ROR1: variants seen among roughly 807,000 people sequenced by gnomAD.
ROR1 encodes inactive tyrosine-protein kinase transmembrane receptor ROR1.
Under a neutral mutation model 78.8 loss-of-function variants are expected in ROR1, and 19 were observed. That is an observed-to-expected ratio of 0.24 (90% CI 0.17 to 0.35). ROR1 has a LOEUF of 0.35. ROR1 is among the 10% of genes least tolerant of loss of function. ROR1 has a pLI of 1.00. For missense variants in ROR1, 917 were observed against 1,177.8 expected (o/e 0.78, Z 3.24); for synonymous variants, 386 against 433.6 (o/e 0.89, Z 1.36).
At chr1:63,846,971 C>T (rs937378276) in intron 1 of ROR1, among the ~76,000 whole-genome samples, 6 of 152,284 alleles carry the variant, frequency 3.9e-5, no homozygotes, top group South Asian at 2.1e-4. Context: ...AGAGCTCACC[C>T]GCTATCTCCT....
chr1:63,973,915 A>G (rs1646137845), intron 1 of ROR1, among the ~76,000 whole-genome samples: 2 of 152,188 alleles, frequency 1.3e-5, no homozygotes, highest in African/African-American at 4.8e-5. Context: ...CACTGTTTGC[A>G]ATTATTTTGG....
At chr1:64,090,252 A>T (rs1647185297) in intron 4 of ROR1, among the ~76,000 whole-genome samples, 1 of 152,226 alleles carries the variant, frequency 6.6e-6, no homozygotes, top group South Asian at 2.1e-4. Context: ...CTCATGGTTC[A>T]TTCAAGGAAC....
At chr1:64,053,459 T>G (rs1261055039) in intron 4 of ROR1, among the ~76,000 whole-genome samples, 1 of 152,224 alleles carries the variant, frequency 6.6e-6, no homozygotes, top group Non-Finnish European at 1.5e-5. Context: ...TTTCGTTTGG[T>G]TTCCGTTCAT....
chr1:63,828,503 T>A (rs1188253930), intron 1 of ROR1, among the ~76,000 whole-genome samples: 2 of 152,186 alleles, frequency 1.3e-5, no homozygotes, highest in Non-Finnish European at 2.9e-5. Flanking sequence ...ACACAAAAAT[T>A]ACTGATGGGG....
chr1:64,159,414 C>T (rs903074652), intron 8 of ROR1, among the ~76,000 whole-genome samples: 2 of 152,272 alleles, frequency 1.3e-5, no homozygotes, highest in African/African-American at 2.4e-5. Context: ...ATATCACTGC[C>T]TTGCCATAGA....
rs1557495029 is a variant in ROR1 at position 63,785,505 on chromosome 1, A to ATATATATATATATATAT, written c.91+10998_91+10999insATATATATATATATATT. ...AACTATATATATATATATTTTATTTATTTATTTATTTATTTATTTATTTAA... is the reference window on the plus strand; with the variant it reads ...AACTATATATATATATATTTTATTTATATATATATATATATATTTTATTTATTTATTTATTTATTTAA... On this transcript the variant is annotated intron_variant, in intron 1 of 8. Transcript: ENST00000371079. 4.4e-5 allele frequency among the ~76,000 whole-genome samples: 3 copies of ATATATATATATATATAT among 68,356 alleles called. No homozygotes were observed. The African/African-American group carries it at 8.7e-4, about 20-fold the overall frequency. The allele number at this position is 68,356 out of a possible 152,430, so 44.8% of individuals were successfully genotyped here.
chr1:64,105,252 G>A (rs997683952), intron 4 of ROR1: 7 of 152,108 alleles, frequency 4.6e-5, no homozygotes, highest in Non-Finnish European at 7.4e-5. Flanking sequence ...CCATGTAAAT[G>A]TCTTCTTTTG....
chr1:63,871,452 C>T (rs535668872), intron 1 of ROR1, among the ~76,000 whole-genome samples: 142 of 152,258 alleles, frequency 9.3e-4, no homozygotes, highest in Non-Finnish European at 1.5e-3. Flanking sequence ...TATGAGAGAT[C>T]GTTCCCCTGT....
At chr1:64,080,712 C>A (rs532416532) in intron 4 of ROR1, among the ~76,000 whole-genome samples, 3 of 152,322 alleles carry the variant, frequency 2.0e-5, no homozygotes, top group South Asian at 2.1e-4. Flanking sequence ...ATGGCAGCAA[C>A]TCTGGGCCAA....
intron 7 of ROR1, among the ~76,000 whole-genome samples, chr1:64,150,724 T>C (rs1467869949): frequency 1.3e-5 from 2 of 152,238 alleles, no homozygotes; most frequent in Non-Finnish European, 2.9e-5. Flanking sequence ...ATTTTCAAGA[T>C]GTGCTTTCAT....
intron 2 of ROR1, among the ~76,000 whole-genome samples, chr1:64,046,790 T>G (rs553650087): frequency 2.6e-5 from 4 of 152,206 alleles, no homozygotes; most frequent in Non-Finnish European, 2.9e-5. Context: ...GTGAAAAGAT[T>G]TGGGCTTGGC....
At chr1:63,810,786 C>T (rs1644856070) in intron 1 of ROR1, among the ~76,000 whole-genome samples, 1 of 152,310 alleles carries the variant, frequency 6.6e-6, no homozygotes, top group Middle Eastern at 3.4e-3. Flanking sequence ...CCCATGGAGG[C>T]TATTTTGGGA....
chr1:64,084,010 T>C (rs1342674108), intron 4 of ROR1, among the ~76,000 whole-genome samples: 6 of 152,222 alleles, frequency 3.9e-5, no homozygotes, highest in Non-Finnish European at 7.3e-5. Context: ...AAGAAAGAAC[T>C]AATAAGGTCC....
chr1:63,930,491 G>T lies in ROR1; in HGVS notation c.92-78814G>T, dbSNP rs1487968378. Among the ~76,000 whole-genome samples the T allele has an allele frequency of 2.6e-5, 4 of 152,108 alleles. No individual in the cohort carries two copies. In the East Asian group the frequency reaches 7.7e-4, roughly 29 times the overall value. ...AACCATCCTTGCATAAAAAATTCAG[G>T]ATAAGACAAGCATAATATTCTGATA... On this transcript the variant is annotated intron_variant, in intron 1 of 8. Transcript: ENST00000371079.
intron 1 of ROR1, among the ~76,000 whole-genome samples, chr1:63,862,391 C>CAAAAAA (rs1164915396): frequency 5.3e-5 from 3 of 56,816 alleles, no homozygotes; most frequent in African/African-American, 1.9e-4. Context: ...GAGACTGTCT[C>CAAAAAA]AAAAAAAAAA....
intron 1 of ROR1, among the ~76,000 whole-genome samples, chr1:63,891,149 G>A (rs1645392683): frequency 6.6e-6 from 1 of 152,150 alleles, no homozygotes; most frequent in African/African-American, 2.4e-5. Context: ...CTTGAGATTT[G>A]CAGCAGTCAC....
chr1:63,960,026 CCCCCA>C (rs1646015416), intron 1 of ROR1, among the ~76,000 whole-genome samples: 1 of 152,180 alleles, frequency 6.6e-6, no homozygotes, highest in African/African-American at 2.4e-5. Context: ...GTCACAGAGT[CCCCCA>C]AATGCACTGC....
chr1:63,838,084 C>G lies in ROR1; in HGVS notation c.91+63576C>G, dbSNP rs556572156. ...AACCTGCCCTGCCAGTCCTGTAAAA[C>G]TATGGCACCTCCAGTTATATGCAGT... is the stretch of plus-strand genomic sequence containing the variant. On this transcript the variant is annotated intron_variant, in intron 1 of 8. Transcript: ENST00000371079. 2.6e-5 allele frequency among the ~76,000 whole-genome samples: 4 copies of G among 152,200 alleles called. No homozygotes were observed. The South Asian group carries it at 6.2e-4, about 24-fold the overall frequency.
chr1:63,889,390 A>G (rs559238802), intron 1 of ROR1, among the ~76,000 whole-genome samples: 14 of 152,320 alleles, frequency 9.2e-5, no homozygotes, highest in Admixed American at 8.5e-4. Flanking sequence ...TGAGAAATGC[A>G]TGCTCAGAGA....
Sources: gnomAD v4.1 joint callset for allele counts (sites outside exome capture counted in the v4.1 genomes callset) on GRCh38, gnomAD v4.1.1 for gene constraint, MANE v1.5 for transcripts, NCBI Gene and HGNC (gene_info 2026-07-23, HGNC 2026-07-21) for gene names.